The following VSTM2B variants were observed in gnomAD, a reference collection of about 807,000 sequenced individuals.
VSTM2B encodes the protein V-set and transmembrane domain containing 2B.
A neutral mutation model predicts 24.0 loss-of-function variants in VSTM2B; 24 were observed. The observed-to-expected ratio is 1.00, with a 90% CI of 0.72 to 1.40. VSTM2B has a LOEUF of 1.40. VSTM2B is among the 40% of genes most tolerant of loss of function. The probability of loss-of-function intolerance (pLI) is 0.00; values close to 1 mark genes in which losing one functional copy is unlikely to be tolerated. For missense variants in VSTM2B, 399 were observed against 416.4 expected (o/e 0.96, Z 0.36); for synonymous variants, 226 against 194.4 (o/e 1.16, Z -1.35).
At chr19:29,543,539 G>C (rs539023278) in intron 4 of VSTM2B, among the ~76,000 whole-genome samples, 1 of 152,348 alleles carries the variant, frequency 6.6e-6, no homozygotes, top group South Asian at 2.1e-4. Context: ...GCCTCCTCCC[G>C]GACCTCAGGC....
At chr19:29,556,109 AAAAG>A (rs1970402107) in intron 4 of VSTM2B, among the ~76,000 whole-genome samples, 1 of 151,970 alleles carries the variant, frequency 6.6e-6, no homozygotes, top group African/African-American at 2.4e-5. Context: ...CAAAAAAAAA[AAAAG>A]AAAGAAAACT....
chr19:29,557,811 T>A (rs987760348), intron 4 of VSTM2B, among the ~76,000 whole-genome samples: 12 of 151,760 alleles, frequency 7.9e-5, no homozygotes, highest in Non-Finnish European at 2.9e-5. Flanking sequence ...ATGACGAAAG[T>A]GTCAAAAGCA....
At chr19:29,556,267 G>A (rs962487461) in intron 4 of VSTM2B, among the ~76,000 whole-genome samples, 2 of 151,912 alleles carry the variant, frequency 1.3e-5, no homozygotes, top group African/African-American at 4.8e-5. Flanking sequence ...ATTCTAAACA[G>A]AACGAAAGAC....
intron 4 of VSTM2B, among the ~76,000 whole-genome samples, chr19:29,559,983 G>A (rs566215125): frequency 9.3e-4 from 142 of 152,138 alleles, no homozygotes; most frequent in Non-Finnish European, 1.8e-3. Context: ...GTCTATGATC[G>A]GCTGCTAATT....
At chr19:29,527,777 T>A (rs1018926150) in intron 2 of VSTM2B, among the ~76,000 whole-genome samples, 1 of 151,878 alleles carries the variant, frequency 6.6e-6, no homozygotes, top group African/African-American at 2.4e-5. Context: ...ACCCCAGGGC[T>A]CCCACGGCTG....
chr19:29,530,382 C>T, intron 4 of VSTM2B, 92 bp downstream of exon 4: 1 of 1,212,296 alleles, frequency 8.2e-7, no homozygotes, highest in Non-Finnish European at 1.1e-6. Context: ...ACCCAGGACC[C>T]GCCCCCTGGG....
chr19:29,545,560 C>T (rs1970134394), intron 4 of VSTM2B, among the ~76,000 whole-genome samples: 1 of 152,094 alleles, frequency 6.6e-6, no homozygotes, highest in Non-Finnish European at 1.5e-5. Flanking sequence ...TTGCAGTGAG[C>T]CAAAATCATG....
At chr19:29,537,143 G>A (rs1450111346) in intron 4 of VSTM2B, among the ~76,000 whole-genome samples, 1 of 152,220 alleles carries the variant, frequency 6.6e-6, no homozygotes, top group Non-Finnish European at 1.5e-5. Flanking sequence ...GAGATGGGAA[G>A]TCAGCAGGCT....
intron 4 of VSTM2B, among the ~76,000 whole-genome samples, chr19:29,560,622 G>A (rs1401672881): frequency 2.0e-5 from 3 of 152,168 alleles, no homozygotes; most frequent in Non-Finnish European, 2.9e-5. Context: ...CAGCCTCCAG[G>A]AGCCAATGCT....
chr19:29,547,907 G>A (rs548671164), intron 4 of VSTM2B, among the ~76,000 whole-genome samples: 8 of 152,232 alleles, frequency 5.3e-5, no homozygotes, highest in Non-Finnish European at 7.4e-5. Context: ...GGGGAATTAC[G>A]GACAAACCCC....
At chr19:29,529,675 A>G (rs1969681586) in intron 3 of VSTM2B, 144 bp from the exon 4 acceptor site, 2 of 825,830 alleles carry the variant, frequency 2.4e-6, no homozygotes, top group Admixed American at 2.6e-5. Flanking sequence ...GACGCGGGTG[A>G]AAGGGAAGCC....
At chr19:29,546,734 G>A (rs1970167278) in intron 4 of VSTM2B, among the ~76,000 whole-genome samples, 1 of 151,282 alleles carries the variant, frequency 6.6e-6, no homozygotes. Context: ...GACAGCAGCT[G>A]CCTGACCACA....
rs562051183 is a variant in VSTM2B, at chr19:29,528,008, A to G, written c.268-425A>G. On this transcript the variant is annotated intron_variant, in intron 2 of 4. Coordinates refer to ENST00000335523, the MANE Select transcript of VSTM2B (RefSeq NM_001146339.2). Reference sequence around the variant, plus strand: ...CCTACATTCTCCCAGGGTCCCACCCAGAGTTACTCCCACTGAGCCTCCCGC... The same window carrying G: ...CCTACATTCTCCCAGGGTCCCACCCGGAGTTACTCCCACTGAGCCTCCCGC... Among the ~76,000 whole-genome samples, 343 of 152,290 alleles carry G rather than the reference A, an allele frequency of 2.3e-3. 3 individuals are homozygous for G. The highest frequency in any genetic ancestry group is 7.9e-3 in the African/African-American group (328 of 41,580).
intron 4 of VSTM2B, among the ~76,000 whole-genome samples, chr19:29,542,872 G>A (rs1970057177): frequency 6.6e-6 from 1 of 152,128 alleles, no homozygotes; most frequent in Admixed American, 6.5e-5. Context: ...GGAGGCCATA[G>A]GAAAAAAGTC....
intron 4 of VSTM2B, among the ~76,000 whole-genome samples, chr19:29,550,845 A>G (rs1447106299): frequency 1.3e-5 from 2 of 149,600 alleles, no homozygotes; most frequent in African/African-American, 4.9e-5. Context: ...AAAAAAAAGC[A>G]GCACTGTTTG....
At chr19:29,532,534 G>T (rs994806094) in intron 4 of VSTM2B, among the ~76,000 whole-genome samples, 3 of 152,190 alleles carry the variant, frequency 2.0e-5, no homozygotes, top group Non-Finnish European at 4.4e-5. Context: ...TACAGGCTGG[G>T]ACGTACCTCT....
intron 4 of VSTM2B, among the ~76,000 whole-genome samples, chr19:29,550,359 T>A (rs1033785536): frequency 2.2e-4 from 34 of 152,204 alleles, no homozygotes; most frequent in African/African-American, 8.0e-4. Context: ...CACTTGAGCC[T>A]GGGAGTTGGC....
At chr19:29,555,041 C>T (rs1035924989) in intron 4 of VSTM2B, among the ~76,000 whole-genome samples, 2 of 152,190 alleles carry the variant, frequency 1.3e-5, no homozygotes, top group African/African-American at 4.8e-5. Context: ...GACTTGAACT[C>T]AGCTCTGGAT....
At position 29,526,865 on chromosome 19, in the gene VSTM2B, C is replaced by G; in HGVS notation, c.82+200C>G. On this transcript the variant is annotated intron_variant, in intron 1 of 4. Transcript: ENST00000335523. This position sits in a 1 kb window ranked among gnomAD's most constrained non-coding sequence, Gnocchi z 4.1. ...AGCAGCGCCGCGCCCGAGTCGTTCC[C>G]AGTCCCGCCGGGGCCCCGGCTGCGG... is the stretch of plus-strand genomic sequence containing the variant. 1.9e-6 allele frequency: 1 copy of G among 518,892 alleles called. No homozygotes were observed. Among genetic ancestry groups the G allele is most frequent in the African/African-American group, 2.0e-5 (1 of 49,532 alleles). The allele number at this position is 518,892 out of a possible 1,614,324, so 32.1% of individuals were successfully genotyped here.
Sources: allele counts gnomAD v4.1 joint callset (sites outside exome capture counted in the v4.1 genomes callset), GRCh38; gene constraint gnomAD v4.1.1; non-coding constraint Gnocchi (gnomAD v3.1); transcripts MANE v1.5; gene names NCBI Gene and HGNC (gene_info 2026-07-23, HGNC 2026-07-21).